Variants in ITGA5 observed in about 807,000 individuals in gnomAD.
The protein encoded by ITGA5 is integrin alpha-5.
ITGA5 carries 55 observed loss-of-function variants against 146.3 expected under a neutral mutation model. That is an observed-to-expected ratio of 0.38 (90% CI 0.30 to 0.47). ITGA5 has a LOEUF of 0.47. Ranked by LOEUF, ITGA5 falls within the 20% of genes least tolerant of loss-of-function variation. ITGA5 has a pLI of 0.99. For synonymous variants in ITGA5, 500 were observed against 531.8 expected (o/e 0.94, Z 0.82); for missense variants, 1,131 against 1,329.0 (o/e 0.85, Z 2.32).
At chr12:54,400,104 G>A (rs773287958) in intron 25 of ITGA5, 157 bp from the exon 26 acceptor site, 1 of 608,428 alleles carries the variant, frequency 1.6e-6, no homozygotes, top group Non-Finnish European at 2.9e-6. Flanking sequence ...TGAGCTCAGG[G>A]TTAAAATATG....
Position 54,406,040 on chromosome 12 carries a change from C to T in ITGA5, c.907-114G>A, listed in dbSNP as rs539977345. 1.5e-5 allele frequency: 13 copies of T among 869,900 alleles called. No homozygotes were observed. In the South Asian group the frequency reaches 1.6e-4, roughly 11 times the overall value. The allele number at this position is 869,900 out of a possible 1,614,324, so 53.9% of individuals were successfully genotyped here. A position where few individuals can be genotyped will look rare whatever the true frequency, so the allele number is the denominator to read the frequency against. Reference sequence around the variant, plus strand: ...AGGCATTCCTTAGAGACGCAGACCACTGTCCCTAGCTCCCTCTTCAGCTTT... The same window carrying T: ...AGGCATTCCTTAGAGACGCAGACCATTGTCCCTAGCTCCCTCTTCAGCTTT... On this transcript the variant is annotated intron_variant, in intron 9 of 29. Transcript: ENST00000293379.
intron 13 of ITGA5, 77 bp from the exon 14 acceptor site, chr12:54,404,552 A>C (rs1165804887): frequency 1.9e-6 from 3 of 1,567,470 alleles, no homozygotes; most frequent in Non-Finnish European, 2.6e-6. Context: ...TCCTGGTTTC[A>C]ACGCTCAGGG....
chr12:54,403,986 A>C lies in ITGA5; in HGVS notation c.1566-20T>G. The C allele has an allele frequency of 6.2e-7, 1 of 1,613,740 alleles. No homozygotes were observed. The highest frequency in any genetic ancestry group is 8.5e-7 in the Non-Finnish European group (1 of 1,179,644). On this transcript the variant is annotated intron_variant, in intron 15 of 29. Transcript: ENST00000293379. This position sits in a 1 kb window ranked among gnomAD's most constrained non-coding sequence, Gnocchi z 4.9. ...TTGATGCTGGAGAGAGACCAAGAAG[A>C]AAGCTGGTGAATCCAACTGGAACAG...
chr12:54,405,624 C>T, intron 11 of ITGA5, 40 bp downstream of exon 11: 1 of 1,554,456 alleles, frequency 6.4e-7, no homozygotes, highest in Non-Finnish European at 8.9e-7. Flanking sequence ...CCTCTTGGTT[C>T]TGGGAGGGTA....
At chr12:54,418,937 G>T (rs1956042797) in intron 1 of ITGA5, 44 bp downstream of exon 1, 1 of 1,602,288 alleles carries the variant, frequency 6.2e-7, no homozygotes, top group Non-Finnish European at 8.5e-7. Context: ...CAGTCTCCAG[G>T]CGGCTCCCCC....
chr12:54,406,583 C>T (rs1190134936), intron 9 of ITGA5, among the ~76,000 whole-genome samples: 5 of 152,192 alleles, frequency 3.3e-5, no homozygotes, highest in Admixed American at 2.6e-4. Flanking sequence ...CTTGGCTGGT[C>T]CTCCAAAGCT....
At chr12:54,412,779 G>A (rs1955963494) in intron 1 of ITGA5, among the ~76,000 whole-genome samples, 1 of 152,164 alleles carries the variant, frequency 6.6e-6, no homozygotes, top group Non-Finnish European at 1.5e-5. Context: ...CAGTCCTCCT[G>A]CCGTCAGCTC....
Position 54,419,180 on chromosome 12 carries a change from C to G in ITGA5, c.19G>C (p.Glu7Gln), listed in dbSNP as rs754165800. 19 of 1,568,128 alleles carry G rather than the reference C, an allele frequency of 1.2e-5. No individual in the cohort carries two copies. The highest frequency in any genetic ancestry group is 1.5e-5 in the Non-Finnish European group (17 of 1,157,864). The change falls in exon 1 of 30, where the codon GAG (glutamate) becomes CAG (glutamine). Residue 7 changes from glutamate (E) to glutamine (Q), a missense_variant. Coordinates refer to ENST00000293379, the MANE Select transcript of ITGA5 (RefSeq NM_002205.5). ...AGCTGCACGGCGTGGAGAGGGGACT[C>G]TGGCGTCCGGCTCCCCATAGCGCCC... is the stretch of plus-strand genomic sequence containing the variant. The part of the protein sequence containing the change: MGSRTP[E>Q]SPLHAVQLRW...
Position 54,403,609 on chromosome 12 carries a change from G to A in ITGA5, c.1776+16C>T, listed in dbSNP as rs12818138. The A allele has an allele frequency of 0.031, 49,907 of 1,608,754 alleles. 896 individuals carry two copies. Among genetic ancestry groups the A allele is most frequent in the Non-Finnish European group, 0.036 (42,168 of 1,176,984 alleles). On this transcript the variant is annotated intron_variant, in intron 17 of 29. Coordinates refer to ENST00000293379, the MANE Select transcript of ITGA5 (RefSeq NM_002205.5). The surrounding 1 kb of genome is among the most constrained non-coding windows in gnomAD (Gnocchi z 4.9). The stretch of plus-strand genomic sequence containing the variant: ...ACCCTCCCTGGCCAGTCCACACCCC[G>A]CCCTCTGGGCCATACCCTGAGGTAG...
chr12:54,405,036 A>G, intron 12 of ITGA5, 130 bp downstream of exon 12: 1 of 1,197,220 alleles, frequency 8.4e-7, no homozygotes, highest in Non-Finnish European at 1.2e-6. Flanking sequence ...CAAGACCCAG[A>G]CAGTGGGATT....
rs756149835 is a variant in ITGA5 at position 54,399,955 on chromosome 12, A to G, written c.2644-8T>C. The G allele has an allele frequency of 8.1e-6, 13 of 1,610,036 alleles. No homozygotes were observed. In the South Asian group the frequency reaches 1.4e-4, roughly 18 times the overall value. On this transcript the variant is annotated splice_region_variant and splice_polypyrimidine_tract_variant and intron_variant, in intron 25 of 29. Transcript: ENST00000293379. ...GGAACCCTCGGGATCCAACTATAAA[A>G]GAAAGTGTTGGGCCCCTTTCCCATC...
At chr12:54,410,188 G>T (rs1270919) in intron 2 of ITGA5, among the ~76,000 whole-genome samples, 122,991 of 151,948 alleles carry the variant, frequency 0.81, 50,254 homozygotes, top group East Asian at 0.88. Context: ...CCTCCCCAAG[G>T]TTCCTGCTTT....
intron 1 of ITGA5, chr12:54,412,662 G>T (rs1364212075): frequency 6.6e-6 from 1 of 152,436 alleles, no homozygotes; most frequent in Non-Finnish European, 1.5e-5. Context: ...ACTGAATTCA[G>T]AGTCTGCTCT....
intron 1 of ITGA5, 56 bp downstream of exon 1, chr12:54,418,925 C>G: frequency 6.3e-7 from 1 of 1,593,260 alleles, no homozygotes; most frequent in Non-Finnish European, 8.6e-7. Context: ...CAGCCGCGCC[C>G]CCAGTCTCCA....
Position 54,401,356 on chromosome 12 carries a change from G to A in ITGA5, c.2493+17C>T. The A allele has an allele frequency of 6.4e-7, 1 of 1,552,470 alleles. No individual in the cohort carries two copies. The highest frequency in any genetic ancestry group is 8.9e-7 in the Non-Finnish European group (1 of 1,124,318). On this transcript the variant is annotated intron_variant, in intron 24 of 29. Transcript: ENST00000293379. This position sits in a 1 kb window ranked among gnomAD's most constrained non-coding sequence, Gnocchi z 5.0. ...CTTTCCCATCATTCATTCTGGCCCT[G>A]CCCCTTCCCCCCTTACCTCATAGAC... is the stretch of plus-strand genomic sequence containing the variant.
At chr12:54,412,709 C>T (rs1281844626) in intron 1 of ITGA5, among the ~76,000 whole-genome samples, 1 of 152,210 alleles carries the variant, frequency 6.6e-6, no homozygotes, top group Admixed American at 6.5e-5. Flanking sequence ...GCTTCTGTTC[C>T]CCCTGATATG....
chr12:54,402,475 T>A, intron 19 of ITGA5, 145 bp from the exon 20 acceptor site: 2 of 659,676 alleles, frequency 3.0e-6, no homozygotes, highest in Admixed American at 2.9e-5. Context: ...GGCGGGTGGA[T>A]CACGAGGTCA....
Position 54,409,623 on chromosome 12 carries a change from T to C in ITGA5, c.350-26A>G. On this transcript the variant is annotated intron_variant, in intron 2 of 29. Coordinates refer to ENST00000293379, the MANE Select transcript of ITGA5 (RefSeq NM_002205.5). This position sits in a 1 kb window ranked among gnomAD's most constrained non-coding sequence, Gnocchi z 4.7. ...CTTGTGGAAGTGAGAAGGGGGAGTC[T>C]TACTGAGCCATGGACATTTGAGCTC... The C allele has an allele frequency of 6.6e-7, 1 of 1,520,420 alleles. No individual in the cohort carries two copies. The highest frequency in any genetic ancestry group is 1.4e-5 in the African/African-American group (1 of 73,200). 94.2% of individuals were successfully genotyped at this position (1,520,420 alleles called of 1,614,324 possible).
intron 25 of ITGA5, 52 bp downstream of exon 25, chr12:54,400,794 C>G: frequency 1.3e-6 from 2 of 1,588,344 alleles, no homozygotes; most frequent in South Asian, 2.3e-5. Context: ...ACCCCTCAGC[C>G]TTGGTCCTCT....
Sources: gnomAD v4.1 joint callset for allele counts (sites outside exome capture counted in the v4.1 genomes callset) on GRCh38, gnomAD v4.1.1 for gene constraint, Gnocchi (gnomAD v3.1) non-coding constraint, MANE v1.5 for transcripts, NCBI Gene and HGNC (gene_info 2026-07-23, HGNC 2026-07-21) for gene names.